The following IGSF21 variants were observed in gnomAD, a reference collection of about 807,000 sequenced individuals.
IGSF21 encodes immunoglobulin superfamily member 21.
Under a neutral mutation model 46.8 loss-of-function variants are expected in IGSF21, and 28 were observed. The ratio of observed to expected loss-of-function variants is 0.60; its 90% confidence interval spans 0.44 to 0.82. The LOEUF (loss-of-function observed/expected upper bound fraction) is 0.82. IGSF21 is among the 40% of genes least tolerant of loss of function. The probability of loss-of-function intolerance (pLI) is 0.00; values close to 1 mark genes in which losing one functional copy is unlikely to be tolerated. For synonymous variants in IGSF21, 284 were observed against 273.6 expected (o/e 1.04, Z -0.38); for missense variants, 624 against 665.5 (o/e 0.94, Z 0.69).
In IGSF21 at chr1:18,217,812, C is replaced by G. The variant is rs762031966; in HGVS notation, c.71-10086C>G. On this transcript the variant is annotated intron_variant, in intron 1 of 9. Coordinates refer to ENST00000251296, the MANE Select transcript of IGSF21 (RefSeq NM_032880.5). ...AAGGGCCTGCCTGCCAAGCCTGGTT[C>G]TCTGTGATGGTGAGAAAGTCACTCT... Among the ~76,000 whole-genome samples, 226 of 152,252 alleles carry G rather than the reference C, an allele frequency of 1.5e-3. 1 individual carries two copies. The highest frequency in any genetic ancestry group is 2.9e-3 in the Non-Finnish European group (199 of 68,018).
chr1:18,314,506 C>T (rs1288816018), intron 3 of IGSF21, among the ~76,000 whole-genome samples: 2 of 152,126 alleles, frequency 1.3e-5, no homozygotes, highest in East Asian at 1.9e-4. Context: ...TATCGTGGGC[C>T]GGGCCCTCTG....
chr1:18,303,347 A>G (rs1476919708), intron 3 of IGSF21, among the ~76,000 whole-genome samples: 1 of 152,124 alleles, frequency 6.6e-6, no homozygotes, highest in Admixed American at 6.6e-5. Flanking sequence ...AGCGACTTGC[A>G]CAAGAGCTGA....
chr1:18,149,099 C>G (rs775962242), intron 1 of IGSF21, among the ~76,000 whole-genome samples: 2 of 152,200 alleles, frequency 1.3e-5, no homozygotes, highest in Non-Finnish European at 2.9e-5. Flanking sequence ...CCGTAGTACT[C>G]CTGCGGCCCA....
chr1:18,121,021 C>A (rs1388789672), intron 1 of IGSF21, among the ~76,000 whole-genome samples: 2 of 152,130 alleles, frequency 1.3e-5, no homozygotes, highest in Non-Finnish European at 2.9e-5. Context: ...TCCTTAGATC[C>A]ATTTAGGTCA....
chr1:18,207,670 A>G (rs1260950856), intron 1 of IGSF21, among the ~76,000 whole-genome samples: 3 of 152,238 alleles, frequency 2.0e-5, no homozygotes, highest in Admixed American at 6.5e-5. Context: ...AGCTGAAACT[A>G]ATGATGCAGA....
intron 1 of IGSF21, among the ~76,000 whole-genome samples, chr1:18,207,784 C>A (rs1295170714): frequency 6.6e-6 from 1 of 152,144 alleles, no homozygotes; most frequent in Non-Finnish European, 1.5e-5. Context: ...ACACCTCTCC[C>A]ACCAGACCAG....
rs542994843 is a variant in IGSF21, at chr1:18,308,052, C to T, written c.305+16065C>T. ...AGGGACACCCTGCTCCCTTGGGTGA[C>T]CTCATGAGCCTCTCTCTTCCATGGT... On this transcript the variant is annotated intron_variant, in intron 3 of 9. Transcript: ENST00000251296. 1.5e-4 allele frequency among the ~76,000 whole-genome samples: 23 copies of T among 152,286 alleles called. No homozygotes were observed. The South Asian group carries it at 4.8e-3, about 32-fold the overall frequency.
intron 8 of IGSF21, 38 bp downstream of exon 8, chr1:18,377,030 C>T: frequency 1.3e-6 from 2 of 1,556,044 alleles, no homozygotes; most frequent in Non-Finnish European, 1.7e-6. Flanking sequence ...AGAACAACCA[C>T]AGGGGCGGGT....
At chr1:18,347,799 G>A (rs2085910297) in intron 4 of IGSF21, among the ~76,000 whole-genome samples, 2 of 152,100 alleles carry the variant, frequency 1.3e-5, no homozygotes, top group Non-Finnish European at 2.9e-5. Flanking sequence ...TCTCTCCAAG[G>A]GAACTCGGAG....
chr1:18,203,724 G>T (rs1358530536), intron 1 of IGSF21, among the ~76,000 whole-genome samples: 1 of 152,230 alleles, frequency 6.6e-6, no homozygotes, highest in Non-Finnish European at 1.5e-5. Flanking sequence ...GGGAACAGGT[G>T]GGGTGGGGGC....
chr1:18,110,144 G>C (rs2086129261), intron 1 of IGSF21: 2 of 152,344 alleles, frequency 1.3e-5, no homozygotes, highest in African/African-American at 4.8e-5. Flanking sequence ...AGCGCATCTG[G>C]GCCGGTGCAG....
chr1:18,114,416 T>C (rs1465131953), intron 1 of IGSF21: 1 of 152,254 alleles, frequency 6.6e-6, no homozygotes, highest in East Asian at 1.9e-4. Flanking sequence ...CCTTGCGACA[T>C]GTGCAACCTG....
chr1:18,187,327 C>T (rs984819121), intron 1 of IGSF21, among the ~76,000 whole-genome samples: 7 of 152,052 alleles, frequency 4.6e-5, no homozygotes, highest in Admixed American at 2.6e-4. Context: ...TGTATTAGTC[C>T]GTTTTCACTC....
chr1:18,291,912 C>T lies in IGSF21; in HGVS notation c.230C>T (p.Ala77Val), dbSNP rs1433328949. The change falls in exon 3 of 10, where the codon GCC (alanine) becomes GTC (valine). Residue 77 changes from alanine (A) to valine (V), a missense_variant. Transcript: ENST00000251296. ...AAGCAAAAGATCTTCACCTTCGACG[C>T]CATGTTCTCCACCAACTACTCACAC... ...TIKQKIFTFD[A>V]MFSTNYSHME... is the part of the protein sequence containing the mutation. 13 of 1,614,114 alleles carry T rather than the reference C, an allele frequency of 8.1e-6. No homozygotes were observed. In the East Asian group the frequency reaches 2.2e-4, roughly 28 times the overall value.
Position 18,133,446 on chromosome 1 carries a change from C to A in IGSF21, c.70+25248C>A, listed in dbSNP as rs80198861. Among the ~76,000 whole-genome samples, 1,445 of 152,340 alleles carry A rather than the reference C, an allele frequency of 9.5e-3. 23 individuals are homozygous for A. The highest frequency in any genetic ancestry group is 0.07 in the East Asian group (362 of 5,188). ...GGACAAGTCGCTTCACCTCTCTGGG[C>A]GCCCCCGCTTCTCCATCTGACAAAT... On this transcript the variant is annotated intron_variant, in intron 1 of 9. Coordinates refer to ENST00000251296, the MANE Select transcript of IGSF21 (RefSeq NM_032880.5).
chr1:18,367,629 A>C (rs2086181071), intron 6 of IGSF21, among the ~76,000 whole-genome samples: 1 of 66,458 alleles, frequency 1.5e-5, no homozygotes, highest in South Asian at 4.6e-4. Context: ...TTTTTTTGAC[A>C]GAGTCTGGCT....
At chr1:18,206,637 T>A (rs1323440010) in intron 1 of IGSF21, among the ~76,000 whole-genome samples, 1 of 151,386 alleles carries the variant, frequency 6.6e-6, no homozygotes, top group Non-Finnish European at 1.5e-5. Flanking sequence ...TGTTTAGGAA[T>A]GAGCAAAGAG....
chr1:18,371,415 T>C (rs2086222312), intron 6 of IGSF21, among the ~76,000 whole-genome samples: 1 of 151,806 alleles, frequency 6.6e-6, no homozygotes, highest in Non-Finnish European at 1.5e-5. Flanking sequence ...CTACTGAAAA[T>C]ACAAAAATTA....
At chr1:18,363,971 A>G (rs555201123) in intron 5 of IGSF21, among the ~76,000 whole-genome samples, 1 of 152,300 alleles carries the variant, frequency 6.6e-6, no homozygotes, top group African/African-American at 2.4e-5. Flanking sequence ...GAGGCCATAG[A>G]CAGGTCCAGT....
Sources: gnomAD v4.1 joint callset for allele counts (sites outside exome capture counted in the v4.1 genomes callset) on GRCh38, gnomAD v4.1.1 for gene constraint, MANE v1.5 for transcripts, NCBI Gene and HGNC (gene_info 2026-07-23, HGNC 2026-07-21) for gene names.